The following AEN variants were observed in gnomAD, a reference collection of about 807,000 sequenced individuals.
AEN encodes apoptosis-enhancing nuclease.
Under a neutral mutation model 17.7 loss-of-function variants are expected in AEN, and 21 were observed. The ratio of observed to expected loss-of-function variants is 1.19; its 90% CI spans 0.84 to 1.71. AEN has a LOEUF of 1.71. Ranked by LOEUF, AEN falls within the 40% of genes most tolerant of loss-of-function variation. The probability of loss-of-function intolerance (pLI) is 0.00; values close to 1 mark genes in which losing one functional copy is unlikely to be tolerated. For synonymous variants in AEN, 190 were observed against 173.0 expected, an observed-to-expected ratio of 1.10 and a Z score of -0.77; for missense variants, 462 against 435.9, an observed-to-expected ratio of 1.06 and a Z score of -0.53.
At chr15:88,619,622 A>G (rs1014505818), upstream of AEN, among the ~76,000 whole-genome samples, 3 of 152,162 alleles carry the variant, frequency 2.0e-5, no homozygotes, top group Admixed American at 6.5e-5. Context: ...CGGGAGGCAC[A>G]TGTTGCAGTG....
At chr15:88,625,881 G>T (rs1478659286) in intron 1 of AEN, among the ~76,000 whole-genome samples, 1 of 152,202 alleles carries the variant, frequency 6.6e-6, no homozygotes, top group Non-Finnish European at 1.5e-5. Flanking sequence ...TTTCTTACCT[G>T]TAAAATGAAG....
At chr15:88,617,916 G>A (rs967177711), upstream of AEN, among the ~76,000 whole-genome samples, 1 of 152,070 alleles carries the variant, frequency 6.6e-6, no homozygotes, top group Admixed American at 6.5e-5. Flanking sequence ...CCCACCCTCA[G>A]CCTAAACCAG....
chr15:88,626,814 G>C (rs1022733398), intron 2 of AEN, 65 bp downstream of exon 2: 123 of 1,527,222 alleles, frequency 8.1e-5, no homozygotes, highest in Non-Finnish European at 1.0e-4. Flanking sequence ...CCCTGGGTTT[G>C]AATCACCACT....
the AEN span, among the ~76,000 whole-genome samples, chr15:88,615,079 T>C: frequency 4.6e-5 from 7 of 152,018 alleles, no homozygotes; most frequent in East Asian, 1.4e-3. Flanking sequence ...GCTAGCCAGA[T>C]GGTCTCGATC....
At position 88,629,236 on chromosome 15, in the gene AEN, T is replaced by A. The variant is rs761167680; in HGVS notation, c.551T>A (p.Leu184His). 6 of 1,613,842 alleles carry A rather than the reference T, an allele frequency of 3.7e-6. No individual in the cohort carries two copies. Among genetic ancestry groups the A allele is most frequent in the Middle Eastern group, 1.6e-4 (1 of 6,082 alleles). The change falls in exon 3 of 4, where the codon CTC (leucine) becomes CAC (histidine). Residue 184 changes from leucine (L) to histidine (H), a missense_variant. Transcript: ENST00000332810. The part of the protein sequence containing the change: ...FQVAQKEILK[L>H]LKGKVVVGHA... ...TCTTTCTGCTCACAGATCCTTAAGC[T>A]CCTGAAGGGCAAGGTGGTGGTGGGG... is the stretch of plus-strand genomic sequence containing the variant.
upstream of AEN, among the ~76,000 whole-genome samples, chr15:88,616,565 C>A (rs1177381549): frequency 6.6e-6 from 1 of 152,190 alleles, no homozygotes. Context: ...CATCCACAGT[C>A]AAGATGACAG....
At chr15:88,624,260 G>A (rs73451727) in intron 1 of AEN, among the ~76,000 whole-genome samples, 6 of 152,140 alleles carry the variant, frequency 3.9e-5, no homozygotes, top group African/African-American at 1.2e-4. Flanking sequence ...GTGGGACAGA[G>A]TTTCTTCCAG....
intron 1 of AEN, among the ~76,000 whole-genome samples, chr15:88,622,539 A>G (rs2057801062): frequency 6.6e-6 from 1 of 152,178 alleles, no homozygotes; most frequent in East Asian, 1.9e-4. Context: ...AACACTAAAG[A>G]TTTTACAAGA....
intron 1 of AEN, among the ~76,000 whole-genome samples, chr15:88,623,381 C>T (rs1336640486): frequency 6.6e-6 from 1 of 152,164 alleles, no homozygotes; most frequent in Non-Finnish European, 1.5e-5. Context: ...ATCATCAAAC[C>T]TGGCATTTCA....
At chr15:88,625,505 A>T (rs1000552009) in intron 1 of AEN, among the ~76,000 whole-genome samples, 7 of 152,222 alleles carry the variant, frequency 4.6e-5, no homozygotes, top group Admixed American at 3.9e-4. Context: ...AACTTATCTC[A>T]AAATAAATAA....
the AEN span, chr15:88,608,016 T>C: frequency 6.5e-6 from 3 of 461,114 alleles, no homozygotes; most frequent in African/African-American, 2.0e-5. Context: ...ATAGCAACAG[T>C]TGTGTGGTTT....
the AEN span, among the ~76,000 whole-genome samples, chr15:88,613,143 C>T: frequency 2.6e-5 from 4 of 152,136 alleles, no homozygotes; most frequent in Non-Finnish European, 5.9e-5. Flanking sequence ...AAAAATGCAA[C>T]CATTAGCTGA....
Position 88,629,352 on chromosome 15 carries a change from G to A in AEN, c.667G>A (p.Glu223Lys), listed in dbSNP as rs552611117. The change falls in exon 3 of 4, where the codon GAG becomes AAG. Residue 223 changes from glutamate (E) to lysine (K), a missense_variant. Transcript: ENST00000332810. Reference protein sequence around the residue: ...DTTYVPNFLSEPGLHTRARVS... With the variant: ...DTTYVPNFLSKPGLHTRARVS... ...GACCTATGTCCCAAACTTCCTCAGC[G>A]AGCCCGGCCTCCACACCCGGGCCCG... 28 of 1,614,060 alleles carry A rather than the reference G, an allele frequency of 1.7e-5. No individual in the cohort carries two copies. Among genetic ancestry groups the A allele is most frequent in the Admixed American group, 6.7e-5 (4 of 60,024 alleles).
the AEN span, chr15:88,611,958 G>A: frequency 4.2e-6 from 2 of 473,046 alleles, no homozygotes; most frequent in Admixed American, 2.5e-5. Context: ...AATGGGGGCA[G>A]CCCCCCTTTT....
intron 1 of AEN, among the ~76,000 whole-genome samples, chr15:88,623,325 C>T (rs749115025): frequency 1.2e-4 from 18 of 152,208 alleles, no homozygotes; most frequent in Non-Finnish European, 1.5e-5. Flanking sequence ...AGTCAGGATG[C>T]GGTGCCCTGC....
At chr15:88,606,940 C>T in the AEN span, among the ~76,000 whole-genome samples, 17 of 147,578 alleles carry the variant, frequency 1.2e-4, no homozygotes, top group African/African-American at 4.4e-4. Flanking sequence ...CCTATCCCCA[C>T]CCTCTCTTTT....
rs747936115 is a variant in AEN, at chr15:88,629,333, T to C, written c.648T>C (p.Tyr216=). The part of the protein sequence containing the change: ...HPRSQTRDTT[Y]VPNFLSEPGL... ...GGAGCCAGACCCGGGATACGACCTA[T>C]GTCCCAAACTTCCTCAGCGAGCCCG... is the stretch of plus-strand genomic sequence containing the variant. The change falls in exon 3 of 4, where the codon TAT becomes TAC. Residue 216 remains tyrosine, a synonymous_variant. Transcript: ENST00000332810. 4.3e-6 allele frequency: 7 copies of C among 1,614,114 alleles called. No individual in the cohort carries two copies. The highest frequency in any genetic ancestry group is 1.1e-5 in the South Asian group (1 of 91,080).
intron 1 of AEN, among the ~76,000 whole-genome samples, chr15:88,622,405 G>T (rs980916291): frequency 6.6e-6 from 1 of 152,180 alleles, no homozygotes; most frequent in Non-Finnish European, 1.5e-5. Flanking sequence ...AGGAGGAGCC[G>T]CGGACAAAAC....
the AEN span, among the ~76,000 whole-genome samples, chr15:88,607,474 C>A: frequency 9.2e-5 from 14 of 152,326 alleles, no homozygotes; most frequent in East Asian, 2.3e-3. Flanking sequence ...TAGCAAGTTA[C>A]CAGAACAGCC....
Sources: gnomAD v4.1 joint callset for allele counts (sites outside exome capture counted in the v4.1 genomes callset) on GRCh38, gnomAD v4.1.1 for gene constraint, MANE v1.5 for transcripts, NCBI Gene and HGNC (gene_info 2026-07-23, HGNC 2026-07-21) for gene names.